Variants in ITPR2 observed in about 807,000 individuals in gnomAD.
The protein encoded by ITPR2 is inositol 1,4,5-trisphosphate-gated calcium channel ITPR2.
In ITPR2, 207 loss-of-function variants were observed where a neutral mutation model predicts 317.1. The ratio of observed to expected loss-of-function variants is 0.65; its 90% CI spans 0.58 to 0.73. The LOEUF is 0.73. Among genes scored for constraint, ITPR2 ranks in the 30% least tolerant of loss-of-function variants. The probability of loss-of-function intolerance (pLI) is 0.00; values close to 1 mark genes in which losing one functional copy is unlikely to be tolerated. For missense variants in ITPR2, 2,613 were observed against 3,284.0 expected, an observed-to-expected ratio of 0.80 and a Z score of 4.99; for synonymous variants, 1,156 against 1,149.1, an observed-to-expected ratio of 1.01 and a Z score of -0.12.
intron 9 of ITPR2, among the ~76,000 whole-genome samples, chr12:26,701,843 T>C (rs1948451106): frequency 6.6e-6 from 1 of 152,196 alleles, no homozygotes; most frequent in Non-Finnish European, 1.5e-5. Flanking sequence ...ACAAATAAGC[T>C]AGTGATCTTT....
chr12:26,714,687 G>C (rs1948706904), intron 8 of ITPR2, among the ~76,000 whole-genome samples: 1 of 152,066 alleles, frequency 6.6e-6, no homozygotes, highest in African/African-American at 2.4e-5. Flanking sequence ...TAAATCTCTT[G>C]TTCATAGGCA....
In ITPR2 at chr12:26,584,848, C is replaced by A. The variant is rs553298699; in HGVS notation, c.4381-4693G>T. On this transcript the variant is annotated intron_variant, in intron 32 of 56. Transcript: ENST00000381340. ...TCATAAGGAATACAAATCCTAAGAT[C>A]ACTTTAGTATTTTACATAAACAGTA... Among the ~76,000 whole-genome samples the A allele has an allele frequency of 5.8e-4, 88 of 152,322 alleles. 1 individual carries two copies. In the South Asian group the frequency reaches 0.018, roughly 31 times the overall value.
intron 45 of ITPR2, among the ~76,000 whole-genome samples, chr12:26,471,419 G>A (rs1942288989): frequency 6.6e-6 from 1 of 152,142 alleles, no homozygotes; most frequent in African/African-American, 2.4e-5. Flanking sequence ...GAGACATAAG[G>A]TAAACACGCA....
At chr12:26,495,403 G>A in intron 37 of ITPR2, 143 bp from the exon 38 acceptor site, 2 of 546,994 alleles carry the variant, frequency 3.7e-6, no homozygotes, top group Non-Finnish European at 3.2e-6. Flanking sequence ...TATTTTCTGA[G>A]GCAAAAATTT....
At chr12:26,654,176 A>T in intron 20 of ITPR2, 50 bp from the exon 21 acceptor site, 1 of 1,443,112 alleles carries the variant, frequency 6.9e-7, no homozygotes, top group African/African-American at 1.5e-5. Context: ...GAGTGGAAAA[A>T]AAAATTGGGT....
chr12:26,348,585 T>C (rs1485827661), intron 55 of ITPR2, among the ~76,000 whole-genome samples: 1 of 152,242 alleles, frequency 6.6e-6, no homozygotes, highest in Non-Finnish European at 1.5e-5. Context: ...GGCTCAGATG[T>C]GGGCCTTGCA....
At chr12:26,446,486 C>T (rs1006551712) in intron 45 of ITPR2, among the ~76,000 whole-genome samples, 4 of 151,980 alleles carry the variant, frequency 2.6e-5, no homozygotes, top group Non-Finnish European at 2.9e-5. Context: ...TATTAAAAAG[C>T]TTTTACTTCT....
chr12:26,672,329 G>A (rs1413944507), intron 13 of ITPR2, among the ~76,000 whole-genome samples: 17 of 151,734 alleles, frequency 1.1e-4, no homozygotes, highest in African/African-American at 3.4e-4. Context: ...ATGTAAAAGA[G>A]CAGAAATTAT....
At chr12:26,679,034 A>G (rs1444877940) in intron 13 of ITPR2, among the ~76,000 whole-genome samples, 1 of 152,266 alleles carries the variant, frequency 6.6e-6, no homozygotes, top group Non-Finnish European at 1.5e-5. Context: ...TCACAAAAGG[A>G]AAAGTTAGAT....
chr12:26,598,856 A>T (rs895006094), intron 30 of ITPR2, among the ~76,000 whole-genome samples: 1 of 152,196 alleles, frequency 6.6e-6, no homozygotes, highest in Non-Finnish European at 1.5e-5. Context: ...AAATTTTGTC[A>T]CTTTCATTCC....
intron 37 of ITPR2, among the ~76,000 whole-genome samples, chr12:26,497,445 T>G (rs1448794521): frequency 6.6e-6 from 1 of 152,186 alleles, no homozygotes; most frequent in Admixed American, 6.5e-5. Flanking sequence ...TGAGCCACCG[T>G]GCCCACAAAG....
intron 2 of ITPR2, among the ~76,000 whole-genome samples, chr12:26,769,134 C>T (rs913366810): frequency 6.6e-6 from 1 of 152,030 alleles, no homozygotes; most frequent in Non-Finnish European, 1.5e-5. Context: ...TGCAGGGGTT[C>T]CAGCTGAAGG....
intron 55 of ITPR2, among the ~76,000 whole-genome samples, chr12:26,342,527 C>T (rs868343475): frequency 5.2e-5 from 7 of 134,592 alleles, no homozygotes; most frequent in African/African-American, 2.0e-4. Context: ...GGGTCAGATC[C>T]CTCAGGAATT....
chr12:26,545,022 T>C (rs1331440723), intron 37 of ITPR2, among the ~76,000 whole-genome samples: 1 of 152,208 alleles, frequency 6.6e-6, no homozygotes, highest in Non-Finnish European at 1.5e-5. Context: ...AGCATTTTTG[T>C]TCTATTCATT....
At chr12:26,458,494 C>A (rs1317323493) in intron 45 of ITPR2, among the ~76,000 whole-genome samples, 1 of 152,174 alleles carries the variant, frequency 6.6e-6, no homozygotes, top group Non-Finnish European at 1.5e-5. Context: ...ACCACCTGCA[C>A]CCAAAGCACT....
intron 35 of ITPR2, among the ~76,000 whole-genome samples, chr12:26,558,009 A>C (rs1944710578): frequency 6.6e-6 from 1 of 152,216 alleles, no homozygotes; most frequent in Non-Finnish European, 1.5e-5. Context: ...TTTCTTATAA[A>C]TTATGTTAAT....
At chr12:26,782,699 C>T (rs904489315) in intron 2 of ITPR2, among the ~76,000 whole-genome samples, 1 of 152,162 alleles carries the variant, frequency 6.6e-6, no homozygotes, top group African/African-American at 2.4e-5. Flanking sequence ...ATCAGGATAG[C>T]AATAATTTCT....
chr12:26,510,125 T>C (rs1052054592), intron 37 of ITPR2, among the ~76,000 whole-genome samples: 16 of 152,156 alleles, frequency 1.1e-4, no homozygotes, highest in South Asian at 8.3e-4. Context: ...ATAAGCTTTA[T>C]AGCAAACCTC....
chr12:26,400,625 T>A (rs1383843340), intron 52 of ITPR2: 1 of 152,872 alleles, frequency 6.5e-6, no homozygotes, highest in African/African-American at 2.4e-5. Flanking sequence ...GCCACATATG[T>A]AATGTCCTCA....
Sources: allele counts gnomAD v4.1 joint callset (sites outside exome capture counted in the v4.1 genomes callset), GRCh38; gene constraint gnomAD v4.1.1; transcripts MANE v1.5; gene names NCBI Gene and HGNC (gene_info 2026-07-23, HGNC 2026-07-21).